The following NOVA1 variants were observed in gnomAD, a reference collection of about 807,000 sequenced individuals.
NOVA1 encodes NOVA alternative splicing regulator 1.
Under a neutral mutation model 38.0 loss-of-function variants are expected in NOVA1, and 7 were observed. The ratio of observed to expected loss-of-function variants is 0.18; its 90% CI spans 0.10 to 0.35. The LOEUF (loss-of-function observed/expected upper bound fraction) is 0.35, where lower values mean the gene tolerates loss of function less well. Among genes scored for constraint, NOVA1 ranks in the 10% least tolerant of loss-of-function variants. The probability of loss-of-function intolerance (pLI) is 1.00; values close to 1 mark genes in which losing one functional copy is unlikely to be tolerated. For synonymous variants in NOVA1, 270 were observed against 232.5 expected, an observed-to-expected ratio of 1.16 and a Z score of -1.47; for missense variants, 460 against 616.0, an observed-to-expected ratio of 0.75 and a Z score of 2.68.
chr14:26,581,525 T>C (rs1893221476), intron 2 of NOVA1, among the ~76,000 whole-genome samples: 1 of 152,026 alleles, frequency 6.6e-6, no homozygotes, highest in South Asian at 2.1e-4. Flanking sequence ...AATGTCAATA[T>C]GAAAATAGGA....
chr14:26,569,907 A>T (rs1892366500), intron 2 of NOVA1, among the ~76,000 whole-genome samples: 1 of 152,160 alleles, frequency 6.6e-6, no homozygotes, highest in Admixed American at 6.5e-5. Context: ...TGAAGTTCTG[A>T]TTCAATGCAT....
chr14:26,489,897 A>C (rs1886203390), intron 2 of NOVA1, among the ~76,000 whole-genome samples: 1 of 152,210 alleles, frequency 6.6e-6, no homozygotes, highest in East Asian at 1.9e-4. Context: ...ACCCATCTTT[A>C]GGTGTACAAT....
At chr14:26,547,307 C>T (rs942755698) in intron 2 of NOVA1, among the ~76,000 whole-genome samples, 5 of 152,058 alleles carry the variant, frequency 3.3e-5, no homozygotes, top group African/African-American at 1.2e-4. Flanking sequence ...TGGTGATCAT[C>T]TCTAAATAAA....
At chr14:26,536,256 C>CAAA (rs1424911599) in intron 2 of NOVA1, among the ~76,000 whole-genome samples, 1 of 110,378 alleles carries the variant, frequency 9.1e-6, no homozygotes, top group African/African-American at 3.4e-5. Flanking sequence ...TAAATGGGTA[C>CAAA]AAAAAAAAAA....
intron 2 of NOVA1, among the ~76,000 whole-genome samples, chr14:26,545,334 T>C (rs1173967858): frequency 6.6e-6 from 1 of 151,802 alleles, no homozygotes; most frequent in Non-Finnish European, 1.5e-5. Context: ...ACAGATGAGG[T>C]TGAGTTATAC....
At chr14:26,462,978 T>C (rs1883812322) in intron 4 of NOVA1, among the ~76,000 whole-genome samples, 1 of 152,194 alleles carries the variant, frequency 6.6e-6, no homozygotes, top group Non-Finnish European at 1.5e-5. Context: ...ACTCTAATAA[T>C]ACATGAACAA....
At chr14:26,537,963 A>T (rs1260012948) in intron 2 of NOVA1, among the ~76,000 whole-genome samples, 1 of 152,168 alleles carries the variant, frequency 6.6e-6, no homozygotes, top group Non-Finnish European at 1.5e-5. Flanking sequence ...ATGTAGAGGA[A>T]GAGGGATCCA....
intron 4 of NOVA1, chr14:26,470,634 G>A: frequency 1.9e-6 from 1 of 531,288 alleles, no homozygotes; most frequent in Non-Finnish European, 3.4e-6. Flanking sequence ...TTTATCTAGA[G>A]GGTGAAAATA....
intron 4 of NOVA1, among the ~76,000 whole-genome samples, chr14:26,459,254 G>C (rs1435416255): frequency 6.6e-6 from 1 of 151,944 alleles, no homozygotes; most frequent in Non-Finnish European, 1.5e-5. Context: ...CTTTTATTCT[G>C]TATTTTTAAT....
intron 2 of NOVA1, among the ~76,000 whole-genome samples, chr14:26,533,235 T>C (rs1162070792): frequency 6.6e-6 from 1 of 152,226 alleles, no homozygotes; most frequent in Non-Finnish European, 1.5e-5. Context: ...TCTATTTCTT[T>C]AGCATTTGTT....
chr14:26,468,856 C>A (rs1307245513), intron 4 of NOVA1, among the ~76,000 whole-genome samples: 4 of 152,092 alleles, frequency 2.6e-5, no homozygotes, highest in Non-Finnish European at 5.9e-5. Context: ...TTTCTGAAAT[C>A]ATTCTTTTAT....
At position 26,447,560 on chromosome 14, in the gene NOVA1, T is replaced by C. The variant is rs1274960141; in HGVS notation, c.*399A>G. 1 of 189,304 alleles carries C rather than the reference T, an allele frequency of 5.3e-6. No homozygotes were observed. The highest frequency in any genetic ancestry group is 1.1e-5 in the Non-Finnish European group (1 of 89,566). The allele number at this position is 189,304 out of a possible 1,614,324, so 11.7% of individuals were successfully genotyped here. A position where few individuals can be genotyped will look rare whatever the true frequency, so the allele number is the denominator to read the frequency against. On this transcript the variant is annotated 3_prime_UTR_variant, in exon 5 of 5. Transcript: ENST00000539517. ...AGGACAGTGCTTTGGCCTCACTCCA[T>C]TTTAGGTCACTGACCCCACCATACT...
Position 26,447,840 on chromosome 14 carries a change from T to C in NOVA1, c.*119A>G, listed in dbSNP as rs545345292. On this transcript the variant is annotated 3_prime_UTR_variant, in exon 5 of 5. Transcript: ENST00000539517. The stretch of plus-strand genomic sequence containing the variant: ...TATACACATTGTCAACATAGTCGCA[T>C]TCATTTGCATAATTATATATTAATA... 5 of 711,052 alleles carry C rather than the reference T, an allele frequency of 7.0e-6. No homozygotes were observed. In the Admixed American group the frequency reaches 1.1e-4, roughly 16 times the overall value. 44.0% of individuals were successfully genotyped at this position (711,052 alleles called of 1,614,324 possible). A position where few individuals can be genotyped will look rare whatever the true frequency, so the allele number is the denominator to read the frequency against.
intron 2 of NOVA1, among the ~76,000 whole-genome samples, chr14:26,505,495 C>A (rs1887579367): frequency 1.3e-5 from 2 of 152,050 alleles, no homozygotes; most frequent in Non-Finnish European, 2.9e-5. Context: ...GTCTCCCCAG[C>A]CATGTGGAAC....
intron 2 of NOVA1, among the ~76,000 whole-genome samples, chr14:26,566,181 G>T (rs1892125478): frequency 6.6e-6 from 1 of 152,064 alleles, no homozygotes; most frequent in African/African-American, 2.4e-5. Flanking sequence ...ACCGTTCAAG[G>T]TTACTAAAAG....
At chr14:26,582,990 GT>G (rs1893312670) in intron 2 of NOVA1, among the ~76,000 whole-genome samples, 1 of 151,796 alleles carries the variant, frequency 6.6e-6, no homozygotes, top group East Asian at 1.9e-4. Context: ...AGACATTCTA[GT>G]TTTTAAACAA....
At chr14:26,540,277 G>C (rs918919777) in intron 2 of NOVA1, among the ~76,000 whole-genome samples, 1 of 152,110 alleles carries the variant, frequency 6.6e-6, no homozygotes, top group Admixed American at 6.5e-5. Flanking sequence ...TCTCACAGGA[G>C]TGCAAACCCT....
chr14:26,511,214 C>A (rs1454224945), intron 2 of NOVA1, among the ~76,000 whole-genome samples: 1 of 152,078 alleles, frequency 6.6e-6, no homozygotes, highest in Non-Finnish European at 1.5e-5. Flanking sequence ...GGCTGTGCAA[C>A]AGGCATGGCT....
chr14:26,542,748 AAAAG>A (rs2138604562), intron 2 of NOVA1, among the ~76,000 whole-genome samples: 1 of 151,552 alleles, frequency 6.6e-6, no homozygotes, highest in Non-Finnish European at 1.5e-5. Context: ...AAAAAAAAAA[AAAAG>A]TAGTAATGGG....
Sources: allele counts gnomAD v4.1 joint callset (sites outside exome capture counted in the v4.1 genomes callset), GRCh38; gene constraint gnomAD v4.1.1; transcripts MANE v1.5; gene names NCBI Gene and HGNC (gene_info 2026-07-23, HGNC 2026-07-21).